The following MOXD1 variants were observed in gnomAD, a reference collection of about 807,000 sequenced individuals.
The protein encoded by MOXD1 is monooxygenase DBH like 1, also known as DBH-like monooxygenase protein 1.
In MOXD1, 62 loss-of-function variants were observed where a neutral mutation model predicts 66.6. The ratio of observed to expected loss-of-function variants is 0.93; its 90% CI spans 0.76 to 1.15. MOXD1 has a LOEUF of 1.15. MOXD1 is among the 50% of genes most tolerant of loss of function. The probability of loss-of-function intolerance (pLI) is 0.00; values close to 1 mark genes in which losing one functional copy is unlikely to be tolerated. For synonymous variants in MOXD1, 303 were observed against 281.9 expected (o/e 1.07, Z -0.75); for missense variants, 847 against 754.6 (o/e 1.12, Z -1.44).
chr6:132,297,790 C>T lies in MOXD1; in HGVS notation c.1674G>A (p.Trp558Ter). Residue 558 changes from tryptophan (W) to a stop codon, truncating the protein, a stop_gained, in exon 11 of 12, where the codon TGG (tryptophan) becomes TGA (stop). Transcript: ENST00000367963. LOFTEE classifies it low-confidence loss of function (END_TRUNC). Reference protein sequence around the residue: ...VRCSKTDNAEWSIQGMTALPP... With the variant: ...VRCSKTDNAE ...TCAGAGGTTAAAAAGAGCTTACCGA[C>T]CACTCAGCATTGTCTGTCTTGGAAC... The T allele has an allele frequency of 6.3e-7, 1 of 1,593,630 alleles. No individual in the cohort carries two copies. Among genetic ancestry groups the T allele is most frequent in the Non-Finnish European group, 8.5e-7 (1 of 1,173,690 alleles).
chr6:132,316,485 T>G (rs535531079), intron 9 of MOXD1, among the ~76,000 whole-genome samples: 33 of 152,122 alleles, frequency 2.2e-4, no homozygotes, highest in African/African-American at 7.9e-4. Flanking sequence ...AAGAAAAACA[T>G]GCTCAAGTAG....
At chr6:132,305,348 G>A (rs1774665294) in intron 10 of MOXD1, among the ~76,000 whole-genome samples, 1 of 152,234 alleles carries the variant, frequency 6.6e-6, no homozygotes. Context: ...TAGAGGCTCA[G>A]GGACAGAAGC....
chr6:132,394,754 T>A (rs1776836896), intron 1 of MOXD1, among the ~76,000 whole-genome samples: 1 of 151,986 alleles, frequency 6.6e-6, no homozygotes, highest in East Asian at 1.9e-4. Context: ...TATTTTGAAA[T>A]AACTCAGACA....
At chr6:132,372,115 C>T (rs1427855229) in intron 4 of MOXD1, among the ~76,000 whole-genome samples, 2 of 152,114 alleles carry the variant, frequency 1.3e-5, no homozygotes, top group African/African-American at 2.4e-5. Context: ...ATTTACTACC[C>T]AATTCTGTAT....
At chr6:132,376,031 T>C (rs1479621901) in intron 1 of MOXD1, among the ~76,000 whole-genome samples, 1 of 152,212 alleles carries the variant, frequency 6.6e-6, no homozygotes, top group Admixed American at 6.5e-5. Flanking sequence ...TATCTTCTTA[T>C]GCCTTTTACC....
chr6:132,299,065 A>G (rs1247826489), intron 10 of MOXD1, among the ~76,000 whole-genome samples: 2 of 152,242 alleles, frequency 1.3e-5, no homozygotes, highest in East Asian at 3.8e-4. Flanking sequence ...AATGTGGTAC[A>G]TATACACCAT....
chr6:132,328,583 C>T lies in MOXD1; in HGVS notation c.675G>A (p.Val225=). The change falls in exon 5 of 12, where the codon GTG becomes GTA. Residue 225 remains valine, a synonymous_variant. Coordinates refer to ENST00000367963, the MANE Select transcript of MOXD1 (RefSeq NM_015529.4). The stretch of plus-strand genomic sequence containing the variant: ...CCAGACTCTCATGGCCTCTCTGTAT[C>T]ACTGGCTCAACCTACACGAACATAA... ...EKHHVIKVEP[V]IQRGHESLVH... The T allele has an allele frequency of 1.2e-6, 2 of 1,613,952 alleles. No homozygotes were observed. Among genetic ancestry groups the T allele is most frequent in the South Asian group, 2.2e-5 (2 of 91,052 alleles).
chr6:132,322,669 A>C lies in MOXD1; in HGVS notation c.1305+10T>G. ...TAACAGTCAATGAAAAAGAACAAAA[A>C]CATGCATACTGGTAAGATTGTTTGT... On this transcript the variant is annotated intron_variant, in intron 8 of 11. Coordinates refer to ENST00000367963, the MANE Select transcript of MOXD1 (RefSeq NM_015529.4). 4 of 1,607,876 alleles carry C rather than the reference A, an allele frequency of 2.5e-6. No individual in the cohort carries two copies. The highest frequency in any genetic ancestry group is 3.4e-6 in the Non-Finnish European group (4 of 1,176,924).
chr6:132,301,576 C>T (rs757078540), intron 10 of MOXD1, among the ~76,000 whole-genome samples: 14 of 151,634 alleles, frequency 9.2e-5, no homozygotes, highest in African/African-American at 1.7e-4. Context: ...ATGTCTTTCT[C>T]GGGGTAGAGA....
At chr6:132,321,263 C>A (rs1301783109) in intron 8 of MOXD1, among the ~76,000 whole-genome samples, 7 of 145,638 alleles carry the variant, frequency 4.8e-5, no homozygotes, top group African/African-American at 7.5e-5. Flanking sequence ...GACTCCATCT[C>A]AAAAAAAAAA....
At chr6:132,310,284 A>G (rs1426512472) in intron 10 of MOXD1, among the ~76,000 whole-genome samples, 1 of 152,200 alleles carries the variant, frequency 6.6e-6, no homozygotes, top group East Asian at 1.9e-4. Flanking sequence ...GCAAACCAAA[A>G]CCACAAAGAG....
At chr6:132,339,789 T>G (rs896146688) in intron 4 of MOXD1, among the ~76,000 whole-genome samples, 5 of 152,188 alleles carry the variant, frequency 3.3e-5, no homozygotes, top group African/African-American at 1.2e-4. Context: ...GTGCTGCCAT[T>G]TCTCTACCAT....
intron 9 of MOXD1, among the ~76,000 whole-genome samples, chr6:132,319,031 C>T (rs9493284): frequency 0.081 from 12,342 of 151,852 alleles, 1,256 homozygotes; most frequent in East Asian, 0.33. Flanking sequence ...TAACTTGGGA[C>T]TCAAAGCATA....
At chr6:132,320,787 G>T (rs1413259590) in intron 8 of MOXD1, 99 bp from the exon 9 acceptor site, 19 of 948,668 alleles carry the variant, frequency 2.0e-5, no homozygotes, top group Non-Finnish European at 2.9e-5. Flanking sequence ...TGTATGAATG[G>T]ATGCGCCAAG....
intron 10 of MOXD1, among the ~76,000 whole-genome samples, chr6:132,312,226 T>C (rs1338288837): frequency 1.3e-5 from 2 of 151,836 alleles, no homozygotes; most frequent in Non-Finnish European, 2.9e-5. Flanking sequence ...ATTTTTTCTA[T>C]CAATCCTTCC....
intron 4 of MOXD1, among the ~76,000 whole-genome samples, chr6:132,357,094 T>C (rs73546056): frequency 0.014 from 2,192 of 152,172 alleles, 67 homozygotes; most frequent in African/African-American, 0.05. Flanking sequence ...AGATAAAAAC[T>C]CAACAGTTGT....
At chr6:132,335,908 A>G (rs183559447) in intron 4 of MOXD1, among the ~76,000 whole-genome samples, 161 of 152,312 alleles carry the variant, frequency 1.1e-3, no homozygotes, top group Middle Eastern at 6.8e-3. Context: ...ATAGCTAAAT[A>G]TATGTGTGTC....
chr6:132,323,134 A>T (rs1044412492), intron 7 of MOXD1, among the ~76,000 whole-genome samples: 5 of 152,206 alleles, frequency 3.3e-5, no homozygotes, highest in Admixed American at 6.5e-5. Flanking sequence ...TCCTTCTTTT[A>T]GGAGGATAAG....
chr6:132,347,824 G>C lies in MOXD1; in HGVS notation c.664-19230C>G, dbSNP rs148978944. On this transcript the variant is annotated intron_variant, in intron 4 of 11. Transcript: ENST00000367963. The stretch of plus-strand genomic sequence containing the variant: ...AATGAAGAAATACAGTCTTTTATAA[G>C]TCATGAAAGTTAAACAAATAAATGA... Among the ~76,000 whole-genome samples, 5 of 152,256 alleles carry C rather than the reference G, an allele frequency of 3.3e-5. No homozygotes were observed. In the East Asian group the frequency reaches 9.6e-4, roughly 29 times the overall value.
Sources: gnomAD v4.1 joint callset for allele counts (sites outside exome capture counted in the v4.1 genomes callset) on GRCh38, gnomAD v4.1.1 for gene constraint, MANE v1.5 for transcripts, NCBI Gene and HGNC (gene_info 2026-07-23, HGNC 2026-07-21) for gene names.